The following FCGR2B variants were observed in gnomAD, a reference collection of about 807,000 sequenced individuals.
FCGR2B encodes the protein Fc gamma receptor IIb.
A neutral mutation model predicts 24.8 loss-of-function variants in FCGR2B; 18 were observed. The ratio of observed to expected loss-of-function variants is 0.73; its 90% confidence interval spans 0.50 to 1.08. The LOEUF is 1.08. Ranked by LOEUF, FCGR2B falls within the 50% of genes least tolerant of loss-of-function variation. The pLI is 0.00. For missense variants in FCGR2B, 215 were observed against 297.6 expected (o/e 0.72, Z 2.04); for synonymous variants, 79 against 109.8 (o/e 0.72, Z 1.75).
At chr1:161,672,460 A>G (rs1347916908) in intron 3 of FCGR2B, 2 of 175,004 alleles carry the variant, frequency 1.1e-5, no homozygotes, top group East Asian at 3.1e-4. Flanking sequence ...ATTTATTAAC[A>G]TTCCCGAAGT....
chr1:161,653,591 C>G, the FCGR2B span, among the ~76,000 whole-genome samples: 1 of 144,106 alleles, frequency 6.9e-6, no homozygotes, highest in South Asian at 2.3e-4. Context: ...ACTGATCTCC[C>G]TCCTTGTTCA....
chr1:161,677,124 T>G, intron 6 of FCGR2B: 1 of 594,936 alleles, frequency 1.7e-6, no homozygotes, highest in South Asian at 2.1e-5. Context: ...CACCTTGGCC[T>G]TTGCGGAAGG....
the FCGR2B span, among the ~76,000 whole-genome samples, chr1:161,652,351 AT>A: frequency 1.0e-3 from 126 of 125,546 alleles, 6 homozygotes; most frequent in African/African-American, 2.3e-3. Context: ...CAAAGTACTG[AT>A]TTTTTTTTTT....
rs140119973 is a variant in FCGR2B at position 161,678,144 on chromosome 1, G to C, written c.*591G>C. ...TTCTCTTCAGTGATGAGACTCTTAG[G>C]AAGGCAGGAATGGATAGGATAGGGG... On this transcript the variant is annotated 3_prime_UTR_variant, in exon 8 of 8. Transcript: ENST00000358671. 1.6e-3 allele frequency: 358 copies of C among 222,368 alleles called. 3 individuals carry two copies. Among genetic ancestry groups the C allele is most frequent in the African/African-American group, 7.3e-3 (327 of 44,806 alleles). 13.8% of individuals were successfully genotyped at this position (222,368 alleles called of 1,614,324 possible). A position where few individuals can be genotyped will look rare whatever the true frequency, so the allele number is the denominator to read the frequency against.
At chr1:161,650,322 A>T in the FCGR2B span, among the ~76,000 whole-genome samples, 1 of 146,114 alleles carries the variant, frequency 6.8e-6, no homozygotes, top group African/African-American at 2.5e-5. Context: ...CCTAGTAGGT[A>T]GCTATCATTA....
chr1:161,671,192 C>CTGA (rs1681619182), intron 2 of FCGR2B, among the ~76,000 whole-genome samples, 200 bp from the exon 3 acceptor site: 1 of 152,132 alleles, frequency 6.6e-6, no homozygotes, highest in Non-Finnish European at 1.5e-5. Context: ...GTTGCCCTGT[C>CTGA]GGAGTCCTGG....
At chr1:161,649,130 A>G in the FCGR2B span, among the ~76,000 whole-genome samples, 1 of 151,026 alleles carries the variant, frequency 6.6e-6, no homozygotes, top group African/African-American at 2.4e-5. Flanking sequence ...CCTTTTCACC[A>G]TCTCAGTAGT....
intron 2 of FCGR2B, 98 bp from the exon 3 acceptor site, chr1:161,671,294 C>G (rs191616771): frequency 1.3e-6 from 2 of 1,588,732 alleles, no homozygotes; most frequent in Middle Eastern, 1.8e-4. Flanking sequence ...TTTTGGTGCC[C>G]CTAGTAGGCC....
At chr1:161,675,686 G>A (rs377020165) in intron 6 of FCGR2B, 20 of 240,228 alleles carry the variant, frequency 8.3e-5, no homozygotes, top group East Asian at 3.6e-4. Flanking sequence ...CCAATAGGAC[G>A]TGGGAGGCAG....
chr1:161,672,718 T>A, intron 3 of FCGR2B: 1 of 587,122 alleles, frequency 1.7e-6, no homozygotes, highest in Non-Finnish European at 3.0e-6. Context: ...CCTGAACACC[T>A]ATTATGTGCT....
chr1:161,676,957 C>T, intron 6 of FCGR2B: 1 of 315,174 alleles, frequency 3.2e-6, no homozygotes, highest in Non-Finnish European at 5.8e-6. Flanking sequence ...AAGTCTGTGG[C>T]CAGCAAAAAT....
At chr1:161,661,159 A>G (rs1224726301), upstream of FCGR2B, among the ~76,000 whole-genome samples, 22 of 28,020 alleles carry the variant, frequency 7.9e-4, no homozygotes, top group South Asian at 0.017. Context: ...AGAAAGGAAG[A>G]AAGAAAGAAA....
the FCGR2B span, among the ~76,000 whole-genome samples, chr1:161,648,717 T>G: frequency 6.6e-6 from 1 of 150,738 alleles, no homozygotes; most frequent in Non-Finnish European, 1.5e-5. Context: ...TGAGGCAGAG[T>G]TTTGCTCTGT....
At chr1:161,661,210 GA>G (rs1473956152), upstream of FCGR2B, among the ~76,000 whole-genome samples, 4 of 78,574 alleles carry the variant, frequency 5.1e-5, no homozygotes, top group Admixed American at 3.4e-4. Context: ...AAGAAAGAAA[GA>G]AAGAAAGAAA....
At position 161,674,482 on chromosome 1, in the gene FCGR2B, A is replaced by G. The variant is rs556359987; in HGVS notation, c.760+409A>G. On this transcript the variant is annotated intron_variant, in intron 5 of 7. Transcript: ENST00000358671. ...GGTCTTGGGGAGAGCAGTGTAGTGTAGTGATGGAGTGCACATAGTGGGGCC... is the reference window on the plus strand; with the variant it reads ...GGTCTTGGGGAGAGCAGTGTAGTGTGGTGATGGAGTGCACATAGTGGGGCC... 134 of 330,812 alleles carry G rather than the reference A, an allele frequency of 4.1e-4. No individual in the cohort carries two copies. The Middle Eastern group carries it at 4.4e-3, about 11-fold the overall frequency. The allele number at this position is 330,812 out of a possible 1,614,324, so 20.5% of individuals were successfully genotyped here.
intron 1 of FCGR2B, among the ~76,000 whole-genome samples, chr1:161,669,154 T>C (rs1404954783): frequency 2.8e-5 from 4 of 141,504 alleles, no homozygotes; most frequent in African/African-American, 9.9e-5. Context: ...CCTTTTGCAG[T>C]CTCTTCTTCC....
At chr1:161,671,731 G>A (rs563412539) in intron 3 of FCGR2B, 82 bp downstream of exon 3, 4 of 1,597,152 alleles carry the variant, frequency 2.5e-6, no homozygotes, top group Admixed American at 1.7e-5. Context: ...TTGCAGGAAA[G>A]GGGGGTGGCC....
At chr1:161,647,913 G>A in the FCGR2B span, among the ~76,000 whole-genome samples, 8 of 150,890 alleles carry the variant, frequency 5.3e-5, no homozygotes, top group South Asian at 6.3e-4. Context: ...GGCAGATCCC[G>A]GAGAGTCAGC....
the FCGR2B span, among the ~76,000 whole-genome samples, chr1:161,647,295 C>CTTTT: frequency 2.6e-4 from 34 of 131,564 alleles, no homozygotes; most frequent in East Asian, 2.1e-3. Flanking sequence ...TTGCTCTGGA[C>CTTTT]TCTTTTTTTT....
Sources: allele counts gnomAD v4.1 joint callset (sites outside exome capture counted in the v4.1 genomes callset), GRCh38; gene constraint gnomAD v4.1.1; transcripts MANE v1.5; gene names NCBI Gene and HGNC (gene_info 2026-07-23, HGNC 2026-07-21).